The following SERPINA7 variants were observed in gnomAD, a reference collection of about 807,000 sequenced individuals.
SERPINA7 encodes serpin family A member 7.
In SERPINA7, 14 loss-of-function variants were observed where a neutral mutation model predicts 16.0. The observed-to-expected ratio is 0.88, with a 90% CI of 0.58 to 1.37. The LOEUF is 1.37. Among genes scored for constraint, SERPINA7 ranks in the 40% most tolerant of loss-of-function variants. The pLI, the probability that SERPINA7 is intolerant of heterozygous loss-of-function variation, is 0.00. For missense variants in SERPINA7, 335 were observed against 296.6 expected (o/e 1.13, Z -0.95); for synonymous variants, 140 against 111.0 (o/e 1.26, Z -1.65).
Position 106,034,633 on chromosome X carries a change from A to C in SERPINA7, c.897-251T>G, listed in dbSNP as rs75151279. The stretch of plus-strand genomic sequence containing the variant: ...GTAACTCCTTTATAATCAAGAGAAA[A>C]TATCCCTGAGGTGACGACCAAGGTT... On this transcript the variant is annotated intron_variant, in intron 3 of 4. Transcript: ENST00000372563. Among the ~76,000 whole-genome samples, 11 of 112,074 alleles carry C rather than the reference A, an allele frequency of 9.8e-5. No homozygotes were observed. The East Asian group carries it at 2.9e-3, about 29-fold the overall frequency.
chrX:106,034,197 C>G, intron 4 of SERPINA7, 38 bp downstream of exon 4: 1 of 1,178,513 alleles, frequency 8.5e-7, no homozygotes, highest in Non-Finnish European at 1.2e-6. Context: ...ATTGCTCTTC[C>G]AGTTCATACA....
Position 106,035,384 on chromosome X carries a change from G to A in SERPINA7, c.624C>T (p.Ala208=). 1.7e-6 allele frequency: 2 copies of A among 1,207,950 alleles called. No homozygotes were observed. Among genetic ancestry groups the A allele is most frequent in the Non-Finnish European group, 2.2e-6 (2 of 893,302 alleles). Residue 208 remains alanine (A), a splice_region_variant and synonymous_variant, in exon 3 of 5, where the codon GCC becomes GCT. Coordinates refer to ENST00000372563, the MANE Select transcript of SERPINA7 (RefSeq NM_000354.6). ...MVLVNYIHFK[A]QWANPFDPSK... ...ATGGATCAAAAGGATTTGCCCACTG[G>A]GCTTAAAATACAAAGAAAAGAGAGG... is the stretch of plus-strand genomic sequence containing the variant.
chrX:106,038,312 A>G (rs1036912546), intron 1 of SERPINA7, among the ~76,000 whole-genome samples: 2 of 111,411 alleles, frequency 1.8e-5, no homozygotes, highest in Non-Finnish European at 3.8e-5. Flanking sequence ...CATTCCCCAT[A>G]TCTAATGAAG....
intron 3 of SERPINA7, 144 bp downstream of exon 3, chrX:106,034,968 A>T: frequency 2.8e-6 from 2 of 714,327 alleles, no homozygotes. Context: ...CCTGGTAGAC[A>T]GTATTTTCTT....
In SERPINA7 at chrX:106,036,545, C is replaced by T. The variant is rs1178965925; in HGVS notation, c.514G>A (p.Glu172Lys). 1 of 1,211,407 alleles carries T rather than the reference C, an allele frequency of 8.3e-7. No homozygotes were observed. Residue 172 changes from glutamate (E) to lysine (K), a missense_variant, in exon 2 of 5, where the codon GAG becomes AAG. Glu to Lys is a moderately conservative substitution (Grantham distance 56). Coordinates refer to ENST00000372563, the MANE Select transcript of SERPINA7 (RefSeq NM_000354.6). ...DFSNISAAKQ[E>K]INSHVEMQTK... is the part of the protein sequence containing the mutation. ...TGCATCTCCACATGACTGTTAATCT[C>T]CTGCTTGGCTGCAGAAATGTTGGAG...
In SERPINA7 at chrX:106,033,576, A is replaced by G; in HGVS notation, c.1172T>C (p.Phe391Ser). Reference sequence around the variant, plus strand: ...GCTTCTCTCCAAAATCAACAACATGAAAGATCTATCAATTTGGATAATAGG... The same window carrying G: ...GCTTCTCTCCAAAATCAACAACATGGAAGATCTATCAATTTGGATAATAGG... ...LHPIIQIDRS[F>S]MLLILERSTR... The change falls in exon 5 of 5, where the codon TTC becomes TCC. Residue 391 changes from phenylalanine (F) to serine (S), a missense_variant. Phe to Ser is a radical substitution (Grantham distance 155, BLOSUM62 -2). Coordinates refer to ENST00000372563, the MANE Select transcript of SERPINA7 (RefSeq NM_000354.6). 3 of 1,211,113 alleles carry G rather than the reference A, an allele frequency of 2.5e-6. No homozygotes were observed. The highest frequency in any genetic ancestry group is 3.4e-6 in the Non-Finnish European group (3 of 894,836).
At chrX:106,037,553 TG>T (rs750090881) in intron 1 of SERPINA7, among the ~76,000 whole-genome samples, 4 of 110,967 alleles carry the variant, frequency 3.6e-5, no homozygotes, top group Admixed American at 2.9e-4. Context: ...GCATCTTATT[TG>T]GCTAAAAGAC....
Position 106,035,206 on chromosome X carries a change from G to C in SERPINA7, c.802C>G (p.Leu268Val), listed in dbSNP as rs768203925. 8.3e-7 allele frequency: 1 copy of C among 1,210,357 alleles called. No homozygotes were observed. The highest frequency in any genetic ancestry group is 2.2e-5 in the Admixed American group (1 of 46,029). ...TGTCCCTCCTTGGGAAGAACAAAGA[G>C]TGCCAGAGCATTCTTGCTGTAGTCC... ...QMDYSKNALALFVLPKEGQME... is the reference protein window; with the variant it reads ...QMDYSKNALAVFVLPKEGQME... Residue 268 changes from leucine (L) to valine (V), a missense_variant, in exon 3 of 5, where the codon CTC (leucine) becomes GTC (valine). By Grantham distance (32) the Leu-to-Val change is conservative. Transcript: ENST00000372563.
At position 106,035,340 on chromosome X, in the gene SERPINA7, G is replaced by A. The variant is rs1426865696; in HGVS notation, c.668C>T (p.Ser223Phe). 1 of 1,210,959 alleles carries A rather than the reference G, an allele frequency of 8.3e-7. No individual in the cohort carries two copies. Among genetic ancestry groups the A allele is most frequent in the South Asian group, 1.8e-5 (1 of 57,004 alleles). The change falls in exon 3 of 5, where the codon TCC (serine) becomes TTC (phenylalanine). Residue 223 changes from serine (S) to phenylalanine (F), a missense_variant. Ser to Phe is a radical substitution (Grantham distance 155, BLOSUM62 -2). Coordinates refer to ENST00000372563, the MANE Select transcript of SERPINA7 (RefSeq NM_000354.6). Reference sequence around the variant, plus strand: ...GGTGGTCTTGTCTATTAAGAAGCTGGAACTGTCTTCTGTCTTGGATGGATC... The same window carrying A: ...GGTGGTCTTGTCTATTAAGAAGCTGAAACTGTCTTCTGTCTTGGATGGATC... ...PFDPSKTEDS[S>F]SFLIDKTTTV...
intron 4 of SERPINA7, 105 bp downstream of exon 4, chrX:106,034,130 C>T: frequency 1.2e-6 from 1 of 813,358 alleles, no homozygotes; most frequent in Non-Finnish European, 1.8e-6. Context: ...CACACCGCCT[C>T]TCTAGGCATC....
intron 3 of SERPINA7, among the ~76,000 whole-genome samples, chrX:106,034,797 T>C (rs985095366): frequency 1.8e-5 from 2 of 111,790 alleles, no homozygotes; most frequent in Admixed American, 1.9e-4. Context: ...CTAGTTGGTC[T>C]ACAGGAAGCC....
rs1287384190 is a variant in SERPINA7, at chrX:106,033,520, C to G, written c.1228G>C (p.Val410Leu). Residue 410 changes from valine (V) to leucine (L), a missense_variant, in exon 5 of 5, where the codon GTG (valine) becomes CTG (leucine). Physicochemically the swap from Val to Leu is conservative, Grantham distance 32. Coordinates refer to ENST00000372563, the MANE Select transcript of SERPINA7 (RefSeq NM_000354.6). Reference sequence around the variant, plus strand: ...CCCAACTACGCTTCCGTTGGGTTCACAACTTTCCCTAGAAAGAGAATACTC... The same window carrying G: ...CCCAACTACGCTTCCGTTGGGTTCAGAACTTTCCCTAGAAAGAGAATACTC... ...TRSILFLGKVVNPTEA is the reference protein window; with the variant it reads ...TRSILFLGKVLNPTEA The G allele has an allele frequency of 8.3e-7, 1 of 1,209,839 alleles. No homozygotes were observed. Among genetic ancestry groups the G allele is most frequent in the African/African-American group, 1.7e-5 (1 of 57,215 alleles).
At chrX:106,038,545 G>T (rs1181163751) in intron 1 of SERPINA7, among the ~76,000 whole-genome samples, 153 bp downstream of exon 1, 1 of 110,774 alleles carries the variant, frequency 9.0e-6, no homozygotes, top group Non-Finnish European at 1.9e-5. Flanking sequence ...CACTGAGGCT[G>T]GTAGAAAGTC....
In SERPINA7 at chrX:106,036,483, G is replaced by C; in HGVS notation, c.576C>G (p.Leu192=). Residue 192 remains leucine, a synonymous_variant, in exon 2 of 5, where the codon CTC becomes CTG. Coordinates refer to ENST00000372563, the MANE Select transcript of SERPINA7 (RefSeq NM_000354.6). The part of the protein sequence containing the change: ...KGKVVGLIQD[L]KPNTIMVLVN... Reference sequence around the variant, plus strand: ...CTAAGACCATGATGGTGTTTGGCTTGAGGTCTTGAATTAGACCCACAACTT... The same window carrying C: ...CTAAGACCATGATGGTGTTTGGCTTCAGGTCTTGAATTAGACCCACAACTT... The C allele has an allele frequency of 1.7e-6, 2 of 1,210,592 alleles. No individual in the cohort carries two copies. The highest frequency in any genetic ancestry group is 2.2e-6 in the Non-Finnish European group (2 of 894,583).
At position 106,035,095 on chromosome X, in the gene SERPINA7, T is replaced by C; in HGVS notation, c.896+17A>G. 8.3e-7 allele frequency: 1 copy of C among 1,210,359 alleles called. No individual in the cohort carries two copies. ...TTTATGCCCACCTTCCACCCACACA[T>C]CCTCTAAGGCATTTACCCCTTCTGT... is the stretch of plus-strand genomic sequence containing the variant. On this transcript the variant is annotated intron_variant, in intron 3 of 4. Transcript: ENST00000372563.
chrX:106,035,200 CAA>C lies in SERPINA7; in HGVS notation c.806_807del (p.Phe269CysfsTer18), dbSNP rs1480534883. 3.3e-6 allele frequency: 4 copies of C among 1,211,194 alleles called. No individual in the cohort carries two copies. Among genetic ancestry groups the C allele is most frequent in the Non-Finnish European group, 4.5e-6 (4 of 895,066 alleles). On this transcript the variant is annotated frameshift_variant, in exon 3 of 5. Transcript: ENST00000372563. LOFTEE classifies it high-confidence loss of function. ...MDYSKNALAL[F>X]VLPKEGQMES... is the part of the protein sequence containing the mutation. ...TCCATCTGTCCCTCCTTGGGAAGAA[CAA>C]AGAGTGCCAGAGCATTCTTGCTGTA...
At chrX:106,033,798 C>T (rs758902959) in intron 4 of SERPINA7, 95 bp from the exon 5 acceptor site, 174 of 1,194,228 alleles carry the variant, frequency 1.5e-4, no homozygotes, top group Non-Finnish European at 1.9e-4. Context: ...AAGGTGGGGC[C>T]GCCCCTTTGC....
At chrX:106,035,511 G>T in intron 2 of SERPINA7, 126 bp from the exon 3 acceptor site, 2 of 633,518 alleles carry the variant, frequency 3.2e-6, no homozygotes, top group Non-Finnish European at 5.0e-6. Flanking sequence ...CAGTCAACCA[G>T]TTTTACAAGT....
intron 1 of SERPINA7, chrX:106,037,280 G>A: frequency 2.5e-6 from 1 of 401,938 alleles, no homozygotes. Flanking sequence ...AGGAGAAGTG[G>A]CTTGCTGCAA....
Sources: allele counts gnomAD v4.1 joint callset (sites outside exome capture counted in the v4.1 genomes callset), GRCh38; gene constraint gnomAD v4.1.1; transcripts MANE v1.5; gene names NCBI Gene and HGNC (gene_info 2026-07-23, HGNC 2026-07-21).